The following FBXL14 variants were observed in gnomAD, a reference collection of about 807,000 sequenced individuals.
The protein encoded by FBXL14 is F-box/LRR-repeat protein 14.
FBXL14 carries 11 observed loss-of-function variants against 24.5 expected under a neutral mutation model. The observed-to-expected ratio is 0.45, with a 90% CI of 0.28 to 0.74. The LOEUF (loss-of-function observed/expected upper bound fraction) is 0.74. Among genes scored for constraint, FBXL14 ranks in the 30% least tolerant of loss-of-function variants. The pLI, the probability that FBXL14 is intolerant of heterozygous loss-of-function variation, is 0.12. For missense variants in FBXL14, 384 were observed against 545.6 expected (o/e 0.70, Z 2.95); for synonymous variants, 294 against 240.4 (o/e 1.22, Z -2.06).
intron 1 of FBXL14, among the ~76,000 whole-genome samples, chr12:1,582,187 G>T (rs892183363): frequency 6.8e-6 from 1 of 147,918 alleles, no homozygotes; most frequent in African/African-American, 2.5e-5. Context: ...AGAAAAGAAA[G>T]GAAGAAAAGG....
intron 1 of FBXL14, among the ~76,000 whole-genome samples, chr12:1,582,185 A>G (rs1010751396): frequency 3.3e-5 from 5 of 151,052 alleles, no homozygotes; most frequent in Admixed American, 3.3e-4. Flanking sequence ...AAAGAAAAGA[A>G]AGGAAGAAAA....
chr12:1,594,554 T>A lies in FBXL14; in HGVS notation c.-488A>T, dbSNP rs2094497838. The stretch of plus-strand genomic sequence containing the variant: ...GGCTCCGGGCGCGGAGGAGGCTTCC[T>A]GCTGCCTTTGTCTCTCGCCCGCTTT... On this transcript the variant is annotated 5_prime_UTR_variant, in exon 1 of 2. Coordinates refer to ENST00000339235, the MANE Select transcript of FBXL14 (RefSeq NM_152441.3). 6.8e-6 allele frequency among the ~76,000 whole-genome samples: 1 copy of A among 148,108 alleles called. No individual in the cohort carries two copies. Among genetic ancestry groups the A allele is most frequent in the Non-Finnish European group, 1.5e-5 (1 of 66,390 alleles).
Position 1,594,096 on chromosome 12 carries a change from G to A in FBXL14, c.-30C>T, listed in dbSNP as rs1705762995. ...CTCCTCCCCCCTCCGCGGCGCTGGG[G>A]GGAGGAGGCGCGGGCCCCGCCGCTC... is the stretch of plus-strand genomic sequence containing the variant. On this transcript the variant is annotated 5_prime_UTR_variant, in exon 1 of 2. Coordinates refer to ENST00000339235, the MANE Select transcript of FBXL14 (RefSeq NM_152441.3). The A allele has an allele frequency of 3.2e-5, 44 of 1,367,836 alleles. No individual in the cohort carries two copies. Among genetic ancestry groups the A allele is most frequent in the Non-Finnish European group, 4.0e-5 (43 of 1,066,758 alleles). 84.7% of individuals were successfully genotyped at this position (1,367,836 alleles called of 1,614,324 possible).
Position 1,593,892 on chromosome 12 carries a change from G to A in FBXL14, c.175C>T (p.Pro59Ser). 6.2e-7 allele frequency: 1 copy of A among 1,606,468 alleles called. No individual in the cohort carries two copies. Among genetic ancestry groups the A allele is most frequent in the Admixed American group, 1.7e-5 (1 of 59,806 alleles). The change falls in exon 1 of 2, where the codon CCG becomes TCG. Residue 59 changes from proline (P) to serine (S), a missense_variant. Coordinates refer to ENST00000339235, the MANE Select transcript of FBXL14 (RefSeq NM_152441.3). The surrounding 1 kb of genome is among the most constrained non-coding windows in gnomAD (Gnocchi z 7.4). ...EAKLHLRRAN[P>S]SLFPSLQARG... ...GCCTGCAGGCTGGGGAACAGCGACG[G>A]GTTGGCCCGGCGCAGGTGCAGCTTG...
intron 1 of FBXL14, among the ~76,000 whole-genome samples, chr12:1,589,012 T>A (rs967981836): frequency 3.3e-5 from 5 of 150,850 alleles, no homozygotes; most frequent in African/African-American, 1.2e-4. Context: ...ACCGTTCACT[T>A]CTATGAGGGT....
Position 1,592,859 on chromosome 12 carries a change from C to T in FBXL14, c.1194+14G>A. 1.3e-6 allele frequency: 2 copies of T among 1,546,040 alleles called. No individual in the cohort carries two copies. The highest frequency in any genetic ancestry group is 1.7e-6 in the Non-Finnish European group (2 of 1,143,080). ...GCGGGACAAGGGGAGCTGGTGCTGCCGCCCTCACCTGACCTTCTCACTGTC... is the reference window on the plus strand; with the variant it reads ...GCGGGACAAGGGGAGCTGGTGCTGCTGCCCTCACCTGACCTTCTCACTGTC... On this transcript the variant is annotated intron_variant, in intron 1 of 1. Coordinates refer to ENST00000339235, the MANE Select transcript of FBXL14 (RefSeq NM_152441.3).
At chr12:1,580,624 C>T (rs1038840579) in intron 1 of FBXL14, among the ~76,000 whole-genome samples, 2 of 152,122 alleles carry the variant, frequency 1.3e-5, no homozygotes, top group African/African-American at 4.8e-5. Context: ...AGCACATTTT[C>T]CACTTGATTA....
At chr12:1,583,388 A>G (rs930721605) in intron 1 of FBXL14, among the ~76,000 whole-genome samples, 1 of 152,154 alleles carries the variant, frequency 6.6e-6, no homozygotes, top group African/African-American at 2.4e-5. Context: ...AAAGAGAAAA[A>G]AAAAAAAGCA....
At chr12:1,588,865 CTTCTA>C (rs1364304819) in intron 1 of FBXL14, among the ~76,000 whole-genome samples, 2 of 151,798 alleles carry the variant, frequency 1.3e-5, no homozygotes, top group Non-Finnish European at 2.9e-5. Context: ...TCCTTTAGCT[CTTCTA>C]TTCTTCAATG....
At chr12:1,572,239 C>A (rs1419598635) in intron 1 of FBXL14, among the ~76,000 whole-genome samples, 2 of 152,206 alleles carry the variant, frequency 1.3e-5, no homozygotes, top group East Asian at 3.8e-4. Flanking sequence ...TTTTAAATAA[C>A]TTTATGAGGT....
At position 1,593,803 on chromosome 12, in the gene FBXL14, G is replaced by A. The variant is rs750288450; in HGVS notation, c.264C>T (p.Gly88=). The change falls in exon 1 of 2, where the codon GGC becomes GGT. Residue 88 remains glycine (G), a synonymous_variant. Transcript: ENST00000339235. This position sits in a 1 kb window ranked among gnomAD's most constrained non-coding sequence, Gnocchi z 7.4. Reference sequence around the variant, plus strand: ...GGTTGAGGCTCTCGATGTTGGCCATGCCCTGGATCACGTAGCTGAGGCTGC... The same window carrying A: ...GGTTGAGGCTCTCGATGTTGGCCATACCCTGGATCACGTAGCTGAGGCTGC... The part of the protein sequence containing the change: ...LRRSLSYVIQ[G]MANIESLNLS... The A allele has an allele frequency of 1.9e-6, 3 of 1,614,188 alleles. No homozygotes were observed. The highest frequency in any genetic ancestry group is 2.2e-5 in the South Asian group (2 of 91,086).
At chr12:1,572,374 T>C (rs1565582013) in intron 1 of FBXL14, among the ~76,000 whole-genome samples, 1 of 152,390 alleles carries the variant, frequency 6.6e-6, no homozygotes, top group South Asian at 2.1e-4. Flanking sequence ...AAGAGTTTCC[T>C]ACTGTACGTT....
chr12:1,593,591 G>A lies in FBXL14; in HGVS notation c.476C>T (p.Thr159Ile). 1 of 1,614,190 alleles carries A rather than the reference G, an allele frequency of 6.2e-7. No homozygotes were observed. The highest frequency in any genetic ancestry group is 8.5e-7 in the Non-Finnish European group (1 of 1,180,038). The change falls in exon 1 of 2, where the codon ACT (threonine) becomes ATT (isoleucine). Residue 159 changes from threonine (T) to isoleucine (I), a missense_variant. Transcript: ENST00000339235. This position sits in a 1 kb window ranked among gnomAD's most constrained non-coding sequence, Gnocchi z 7.4. ...ELGGCSNITN[T>I]GLLLIAWGLQ... The stretch of plus-strand genomic sequence containing the variant: ...ACCCCAGGCGATGAGCAGAAGGCCA[G>A]TGTTGGTGATGTTGCTGCAACCTCC...
intron 1 of FBXL14, among the ~76,000 whole-genome samples, chr12:1,568,722 G>A (rs1213479799): frequency 3.3e-5 from 5 of 152,098 alleles, no homozygotes; most frequent in East Asian, 3.9e-4. Flanking sequence ...TTAGCCTGGC[G>A]TGGTGGCGGG....
intron 1 of FBXL14, among the ~76,000 whole-genome samples, chr12:1,584,757 T>G (rs1034095522): frequency 6.6e-6 from 1 of 152,232 alleles, no homozygotes; most frequent in Non-Finnish European, 1.5e-5. Flanking sequence ...TTAGGAAAGG[T>G]AGAAATTGTC....
intron 1 of FBXL14, among the ~76,000 whole-genome samples, chr12:1,580,883 C>T (rs1019942964): frequency 2.0e-5 from 3 of 152,148 alleles, no homozygotes. Flanking sequence ...AGTTTCTCTG[C>T]AAGTTCCTGG....
Position 1,593,818 on chromosome 12 carries a change from G to C in FBXL14, c.249C>G (p.Ser83Arg), listed in dbSNP as rs2094495791. Residue 83 changes from serine (S) to arginine (R), a missense_variant, in exon 1 of 2, where the codon AGC (serine) becomes AGG (arginine). Transcript: ENST00000339235. This position sits in a 1 kb window ranked among gnomAD's most constrained non-coding sequence, Gnocchi z 7.4. Reference protein sequence around the residue: ...VQILSLRRSLSYVIQGMANIE... With the variant: ...VQILSLRRSLRYVIQGMANIE... ...TGTTGGCCATGCCCTGGATCACGTA[G>C]CTGAGGCTGCGGCGGAGGCTCAGGA... is the stretch of plus-strand genomic sequence containing the variant. The C allele has an allele frequency of 1.9e-6, 3 of 1,613,970 alleles. No homozygotes were observed. In the East Asian group the frequency reaches 6.7e-5, roughly 36 times the overall value.
chr12:1,585,446 T>C (rs1461082321), intron 1 of FBXL14, among the ~76,000 whole-genome samples: 1 of 152,192 alleles, frequency 6.6e-6, no homozygotes, highest in African/African-American at 2.4e-5. Flanking sequence ...AATGCTAGTT[T>C]GAGGCCAAGA....
At position 1,567,507 on chromosome 12, in the gene FBXL14, A is replaced by G. The variant is rs994270185; in HGVS notation, c.1195-697T>C. 6.6e-6 allele frequency among the ~76,000 whole-genome samples: 1 copy of G among 152,026 alleles called. No individual in the cohort carries two copies. Among genetic ancestry groups the G allele is most frequent in the Non-Finnish European group, 1.5e-5 (1 of 67,996 alleles). On this transcript the variant is annotated intron_variant, in intron 1 of 1. Coordinates refer to ENST00000339235, the MANE Select transcript of FBXL14 (RefSeq NM_152441.3). This position sits in a 1 kb window ranked among gnomAD's most constrained non-coding sequence, Gnocchi z 4.8. ...CTCTGTCTCAAAAATAATAATAATAATAAAATGAAATAAGAATCAAATAAC... is the reference window on the plus strand; with the variant it reads ...CTCTGTCTCAAAAATAATAATAATAGTAAAATGAAATAAGAATCAAATAAC...
Sources: allele counts gnomAD v4.1 joint callset (sites outside exome capture counted in the v4.1 genomes callset), GRCh38; gene constraint gnomAD v4.1.1; non-coding constraint Gnocchi (gnomAD v3.1); transcripts MANE v1.5; gene names NCBI Gene and HGNC (gene_info 2026-07-23, HGNC 2026-07-21).